Variants in NCK1 observed in about 807,000 individuals in gnomAD.
The protein encoded by NCK1 is NCK adaptor protein 1.
NCK1 carries 19 observed loss-of-function variants against 36.6 expected under a neutral mutation model. The observed-to-expected ratio is 0.52, with a 90% CI of 0.36 to 0.76. The LOEUF is 0.76. NCK1 is among the 30% of genes least tolerant of loss of function. The pLI is 0.00. For synonymous variants in NCK1, 165 were observed against 156.0 expected, an observed-to-expected ratio of 1.06 and a Z score of -0.43; for missense variants, 358 against 445.6, an observed-to-expected ratio of 0.80 and a Z score of 1.77.
intron 1 of NCK1, among the ~76,000 whole-genome samples, chr3:136,885,028 T>G (rs1475131313): frequency 6.6e-6 from 1 of 152,192 alleles, no homozygotes; most frequent in Non-Finnish European, 1.5e-5. Flanking sequence ...CTGAAGTTCT[T>G]ATGTTTTAGA....
intron 1 of NCK1, among the ~76,000 whole-genome samples, chr3:136,888,083 T>TA (rs1168385607): frequency 6.6e-6 from 1 of 152,046 alleles, no homozygotes; most frequent in Non-Finnish European, 1.5e-5. Context: ...TTGCTGGGAT[T>TA]ACAGGCGTCT....
rs994579876 is a variant in NCK1 at position 136,950,514 on chromosome 3, C to T, written c.*2061C>T. Among the ~76,000 whole-genome samples, 1 of 152,092 alleles carries T rather than the reference C, an allele frequency of 6.6e-6. No individual in the cohort carries two copies. Among genetic ancestry groups the T allele is most frequent in the African/African-American group, 2.4e-5 (1 of 41,424 alleles). ...GGTATAAAAACCTCGCTGGAAGCTA[C>T]TTATTTTGTACTTAAATATTTTACC... is the stretch of plus-strand genomic sequence containing the variant. On this transcript the variant is annotated 3_prime_UTR_variant, in exon 4 of 4. Transcript: ENST00000481752.
chr3:136,923,203 T>C (rs549146581), intron 1 of NCK1, among the ~76,000 whole-genome samples: 1 of 152,198 alleles, frequency 6.6e-6, no homozygotes, highest in East Asian at 1.9e-4. Flanking sequence ...TATATATTTT[T>C]CTTGAATACT....
At chr3:136,931,748 T>C (rs1268492749) in intron 2 of NCK1, among the ~76,000 whole-genome samples, 1 of 152,214 alleles carries the variant, frequency 6.6e-6, no homozygotes, top group Non-Finnish European at 1.5e-5. Flanking sequence ...ATGATTGTTA[T>C]TAATAATACA....
Position 136,946,000 on chromosome 3 carries a change from A to G in NCK1, c.644A>G (p.Asp215Gly). 6.2e-7 allele frequency: 1 copy of G among 1,613,980 alleles called. No homozygotes were observed. The highest frequency in any genetic ancestry group is 8.5e-7 in the Non-Finnish European group (1 of 1,179,990). The change falls in exon 3 of 4, where the codon GAT becomes GGT. Residue 215 changes from aspartate (D) to glycine (G), a missense_variant. Asp to Gly is a moderately conservative substitution (Grantham distance 94, BLOSUM62 -1). This residue lies in a region of NCK1 where 207 missense variants were observed against 253.4 expected (regional missense o/e 0.82). Coordinates refer to ENST00000481752, the MANE Select transcript of NCK1 (RefSeq NM_001291999.2). ...NDEELNFEKGDVMDVIEKPEN... is the reference protein window; with the variant it reads ...NDEELNFEKGGVMDVIEKPEN... ...GAAGAACTTAATTTCGAGAAAGGAG[A>G]TGTAATGGATGTTATTGAAAAACCT...
rs185006503 is a variant in NCK1 at position 136,872,449 on chromosome 3, A to C, written c.-19+10096A>C. The stretch of plus-strand genomic sequence containing the variant: ...GACTTGGGTGCTGTTAAAGGCATTC[A>C]GTTTTACAAGGGAGGCAGAGCATAA... On this transcript the variant is annotated intron_variant, in intron 1 of 3. Transcript: ENST00000481752. Among the ~76,000 whole-genome samples, 515 of 152,354 alleles carry C rather than the reference A, an allele frequency of 3.4e-3. 2 individuals carry two copies. Among genetic ancestry groups the C allele is most frequent in the Non-Finnish European group, 5.6e-3 (378 of 68,028 alleles).
chr3:136,947,259 G>A (rs1940854571), intron 3 of NCK1, among the ~76,000 whole-genome samples: 1 of 152,068 alleles, frequency 6.6e-6, no homozygotes, highest in Non-Finnish European at 1.5e-5. Flanking sequence ...TGCCTGATCT[G>A]GCTCACTGTT....
intron 1 of NCK1, among the ~76,000 whole-genome samples, chr3:136,896,939 C>A (rs981497442): frequency 4.2e-4 from 64 of 152,266 alleles, no homozygotes; most frequent in African/African-American, 1.4e-3. Context: ...AGTGGGATTG[C>A]TGGATCTTGT....
intron 1 of NCK1, among the ~76,000 whole-genome samples, chr3:136,901,275 T>G (rs2108100345): frequency 6.6e-6 from 1 of 152,230 alleles, no homozygotes; most frequent in South Asian, 2.1e-4. Context: ...GTATTTTTTT[T>G]TTTTTAATGT....
chr3:136,939,166 C>T (rs1210632635), intron 2 of NCK1, among the ~76,000 whole-genome samples: 1 of 152,062 alleles, frequency 6.6e-6, no homozygotes, highest in East Asian at 1.9e-4. Context: ...TGTTATATGT[C>T]TGTTCAGATT....
intron 2 of NCK1, among the ~76,000 whole-genome samples, chr3:136,941,468 T>C (rs992744091): frequency 3.9e-5 from 6 of 152,178 alleles, no homozygotes; most frequent in Non-Finnish European, 7.4e-5. Flanking sequence ...CCTTCTTGTT[T>C]CTCTTTCTGT....
chr3:136,901,946 T>C (rs1939551018), intron 1 of NCK1, among the ~76,000 whole-genome samples: 1 of 152,120 alleles, frequency 6.6e-6, no homozygotes, highest in Non-Finnish European at 1.5e-5. Context: ...CATTGCTAGA[T>C]TGTTTCTTTA....
intron 1 of NCK1, among the ~76,000 whole-genome samples, chr3:136,927,612 C>T (rs1488842270): frequency 1.3e-5 from 2 of 152,154 alleles, no homozygotes; most frequent in African/African-American, 4.8e-5. Flanking sequence ...ACCTTCGCCT[C>T]CCAGGTTCAA....
intron 1 of NCK1, among the ~76,000 whole-genome samples, chr3:136,895,176 G>C (rs1939358307): frequency 2.0e-5 from 3 of 152,134 alleles, no homozygotes; most frequent in Non-Finnish European, 1.5e-5. Flanking sequence ...CGCCCAGCAA[G>C]CTGATTTTTT....
At chr3:136,889,776 G>A (rs368601944) in intron 1 of NCK1, among the ~76,000 whole-genome samples, 2 of 152,146 alleles carry the variant, frequency 1.3e-5, no homozygotes, top group East Asian at 1.9e-4. Context: ...ACGGAGTGTC[G>A]ATTGGTGCAT....
At chr3:136,870,341 C>CAA (rs34144951) in intron 1 of NCK1, among the ~76,000 whole-genome samples, 162 of 146,434 alleles carry the variant, frequency 1.1e-3, no homozygotes, top group Admixed American at 2.9e-3. Context: ...GACTTAATCT[C>CAA]AAAAAAAAAA....
At position 136,911,560 on chromosome 3, in the gene NCK1, CT is replaced by C. The variant is rs201147055; in HGVS notation, c.-18-16420del. Among the ~76,000 whole-genome samples the C allele has an allele frequency of 2.9e-3, 435 of 152,190 alleles. 3 individuals carry two copies. The highest frequency in any genetic ancestry group is 0.01 in the African/African-American group (416 of 41,544). ...TTTTTTGAGAAATGTTTGTTCAAGT[CT>C]TTTGCCTATTCTAAAACCAGGTTGC... On this transcript the variant is annotated intron_variant, in intron 1 of 3. Coordinates refer to ENST00000481752, the MANE Select transcript of NCK1 (RefSeq NM_001291999.2).
rs1189535025 is a variant in NCK1, at chr3:136,945,576, T to G, written c.227-7T>G. On this transcript the variant is annotated splice_region_variant and splice_polypyrimidine_tract_variant and intron_variant, in intron 2 of 3. Transcript: ENST00000481752. ...TCTCCTCTCATGGCCCTTTTTAATT[T>G]CAACAGGCATTGGAAAAGTGAAAAG... 2 of 1,571,004 alleles carry G rather than the reference T, an allele frequency of 1.3e-6. No homozygotes were observed. The highest frequency in any genetic ancestry group is 2.7e-5 in the African/African-American group (2 of 73,184).
intron 1 of NCK1, among the ~76,000 whole-genome samples, chr3:136,865,429 GC>G (rs1938386279): frequency 6.6e-6 from 1 of 152,060 alleles, no homozygotes; most frequent in African/African-American, 2.4e-5. Context: ...CATTTTCATT[GC>G]TTTGTACTTT....
Sources: allele counts gnomAD v4.1 joint callset (sites outside exome capture counted in the v4.1 genomes callset), GRCh38; gene constraint gnomAD v4.1.1; regional missense constraint gnomAD v4.1.1; transcripts MANE v1.5; gene names NCBI Gene and HGNC (gene_info 2026-07-23, HGNC 2026-07-21).